The following TMEM163 variants were observed in gnomAD, a reference collection of about 807,000 sequenced individuals.
TMEM163 encodes the protein transmembrane protein 163.
Under a neutral mutation model 29.3 loss-of-function variants are expected in TMEM163, and 17 were observed. That is an observed-to-expected ratio of 0.58 (90% confidence interval 0.40 to 0.87). The LOEUF (loss-of-function observed/expected upper bound fraction) is 0.87. TMEM163 is among the 40% of genes least tolerant of loss of function. The probability of loss-of-function intolerance (pLI) is 0.00; values close to 1 mark genes in which losing one functional copy is unlikely to be tolerated. For missense variants in TMEM163, 303 were observed against 381.5 expected (o/e 0.79, Z 1.71); for synonymous variants, 157 against 160.6 (o/e 0.98, Z 0.17).
intron 6 of TMEM163, among the ~76,000 whole-genome samples, chr2:134,462,205 G>A (rs747974685): frequency 3.4e-4 from 51 of 151,726 alleles, no homozygotes; most frequent in Non-Finnish European, 6.6e-4. Flanking sequence ...TCATCCCCAC[G>A]CTGACCATTC....
At chr2:134,484,273 C>T (rs1187195030) in intron 5 of TMEM163, among the ~76,000 whole-genome samples, 2 of 152,026 alleles carry the variant, frequency 1.3e-5, no homozygotes, top group Non-Finnish European at 2.9e-5. Context: ...ATTCTCAGAA[C>T]ACCGAAGACA....
chr2:134,667,829 T>C (rs1477743327), intron 2 of TMEM163, among the ~76,000 whole-genome samples: 1 of 152,150 alleles, frequency 6.6e-6, no homozygotes, highest in East Asian at 1.9e-4. Flanking sequence ...TCTCCTGAAA[T>C]AGGAAGAAAA....
At chr2:134,586,270 A>C (rs1398858673) in intron 2 of TMEM163, among the ~76,000 whole-genome samples, 3 of 152,190 alleles carry the variant, frequency 2.0e-5, no homozygotes, top group Non-Finnish European at 4.4e-5. Flanking sequence ...AACCAGGAGA[A>C]CTTTATTGTC....
intron 2 of TMEM163, among the ~76,000 whole-genome samples, chr2:134,671,795 C>G (rs1176423085): frequency 2.6e-5 from 4 of 152,184 alleles, no homozygotes; most frequent in Non-Finnish European, 4.4e-5. Context: ...CATCTGAGTC[C>G]AAATCCTAGC....
intron 7 of TMEM163, among the ~76,000 whole-genome samples, chr2:134,457,813 G>T (rs1417686149): frequency 6.6e-6 from 1 of 152,214 alleles, no homozygotes; most frequent in African/African-American, 2.4e-5. Context: ...TGGCTTAAAG[G>T]CCTGATACCT....
chr2:134,498,862 A>G (rs1679639249), intron 5 of TMEM163, among the ~76,000 whole-genome samples: 1 of 152,210 alleles, frequency 6.6e-6, no homozygotes, highest in African/African-American at 2.4e-5. Context: ...CAAAAAGCCA[A>G]TGGGCAGCAG....
intron 2 of TMEM163, among the ~76,000 whole-genome samples, chr2:134,672,956 T>C (rs1277639251): frequency 6.6e-6 from 1 of 152,172 alleles, no homozygotes; most frequent in African/African-American, 2.4e-5. Flanking sequence ...TCTACTCCTA[T>C]ACCTGCAAGT....
At chr2:134,715,935 T>C (rs1455741890) in intron 1 of TMEM163, among the ~76,000 whole-genome samples, 1 of 152,200 alleles carries the variant, frequency 6.6e-6, no homozygotes, top group Admixed American at 6.5e-5. Flanking sequence ...AGCATAGTAC[T>C]AATGAGAGAC....
At chr2:134,469,846 C>G (rs1344984948) in intron 5 of TMEM163, 1 of 152,400 alleles carries the variant, frequency 6.6e-6, no homozygotes, top group Non-Finnish European at 1.5e-5. Flanking sequence ...TCCAGGCCAT[C>G]TTCATGGGCG....
chr2:134,712,496 C>G (rs180766521), intron 2 of TMEM163, among the ~76,000 whole-genome samples: 95 of 152,074 alleles, frequency 6.2e-4, no homozygotes, highest in Admixed American at 1.9e-3. Context: ...GGGTTTCTAC[C>G]AAGGTTGAGC....
At chr2:134,666,195 G>T (rs79312570) in intron 2 of TMEM163, among the ~76,000 whole-genome samples, 2,575 of 152,010 alleles carry the variant, frequency 0.017, 104 homozygotes, top group East Asian at 0.13. Flanking sequence ...CCACCATGGG[G>T]CTCACAACAG....
chr2:134,660,275 C>G (rs1683718584), intron 2 of TMEM163, among the ~76,000 whole-genome samples: 2 of 152,068 alleles, frequency 1.3e-5, no homozygotes. Flanking sequence ...AAATATGATG[C>G]TGCCTGTTAT....
At chr2:134,661,786 C>A (rs1027884433) in intron 2 of TMEM163, among the ~76,000 whole-genome samples, 3 of 152,100 alleles carry the variant, frequency 2.0e-5, no homozygotes, top group Admixed American at 6.5e-5. Context: ...AGATTAGGAA[C>A]CCAAAGGCCC....
At chr2:134,466,317 A>G in intron 5 of TMEM163, 92 bp from the exon 6 acceptor site, 7 of 1,029,002 alleles carry the variant, frequency 6.8e-6, no homozygotes, top group Non-Finnish European at 8.8e-6. Flanking sequence ...CCTTGTTCCA[A>G]GTACAAATAG....
At chr2:134,508,375 T>C (rs1213099870) in intron 4 of TMEM163, among the ~76,000 whole-genome samples, 6 of 152,244 alleles carry the variant, frequency 3.9e-5, no homozygotes, top group African/African-American at 1.2e-4. Context: ...TCTGAGACAG[T>C]GCTCAAATGT....
At chr2:134,663,439 A>C (rs1683801307) in intron 2 of TMEM163, among the ~76,000 whole-genome samples, 1 of 152,238 alleles carries the variant, frequency 6.6e-6, no homozygotes, top group Non-Finnish European at 1.5e-5. Flanking sequence ...AAAGATGATA[A>C]ACCCTTTGCA....
At chr2:134,707,067 T>A (rs1386428051) in intron 2 of TMEM163, among the ~76,000 whole-genome samples, 1 of 152,180 alleles carries the variant, frequency 6.6e-6, no homozygotes, top group East Asian at 1.9e-4. Flanking sequence ...CAGGGAGCAC[T>A]TTATCCCTCA....
intron 2 of TMEM163, among the ~76,000 whole-genome samples, chr2:134,696,941 A>C (rs1391471153): frequency 6.6e-6 from 1 of 151,970 alleles, no homozygotes; most frequent in Non-Finnish European, 1.5e-5. Flanking sequence ...ATGCCCAGGT[A>C]ATTTTTGTAT....
chr2:134,562,446 C>T (rs895214175), intron 2 of TMEM163, among the ~76,000 whole-genome samples: 7 of 152,228 alleles, frequency 4.6e-5, no homozygotes, highest in Admixed American at 1.3e-4. Context: ...GCTAACACTA[C>T]GGGCAAGAAG....
Sources: gnomAD v4.1 joint callset for allele counts (sites outside exome capture counted in the v4.1 genomes callset) on GRCh38, gnomAD v4.1.1 for gene constraint, MANE v1.5 for transcripts, NCBI Gene and HGNC (gene_info 2026-07-23, HGNC 2026-07-21) for gene names.